LIPC: variants seen among roughly 807,000 people sequenced by gnomAD.
LIPC encodes lipase C, hepatic type, also known as hepatic triacylglycerol lipase.
In LIPC, 44 loss-of-function variants were observed where a neutral mutation model predicts 50.7. The observed-to-expected ratio is 0.87, with a 90% CI of 0.68 to 1.11. LIPC has a LOEUF of 1.11. Ranked by LOEUF, LIPC falls within the 50% of genes most tolerant of loss-of-function variation. The pLI, the probability that LIPC is intolerant of heterozygous loss-of-function variation, is 0.00. For synonymous variants in LIPC, 271 were observed against 256.4 expected, an observed-to-expected ratio of 1.06 and a Z score of -0.54; for missense variants, 697 against 648.2, an observed-to-expected ratio of 1.08 and a Z score of -0.82.
intron 1 of LIPC, among the ~76,000 whole-genome samples, chr15:58,450,881 G>A (rs1042991841): frequency 6.6e-5 from 10 of 152,214 alleles, no homozygotes; most frequent in African/African-American, 2.4e-4. Context: ...GGCAATAAAG[G>A]GGTACAGTCT....
intron 1 of LIPC, among the ~76,000 whole-genome samples, chr15:58,524,393 A>G (rs1162717302): frequency 6.6e-6 from 1 of 152,250 alleles, no homozygotes; most frequent in Non-Finnish European, 1.5e-5. Flanking sequence ...CAATCCTGCA[A>G]TGAATGACCT....
intron 1 of LIPC, among the ~76,000 whole-genome samples, chr15:58,450,518 T>G (rs2140670532): frequency 6.6e-6 from 1 of 152,316 alleles, no homozygotes; most frequent in Non-Finnish European, 1.5e-5. Flanking sequence ...AAGGAGAATT[T>G]TATTAAGTTT....
chr15:58,541,829 G>A lies in LIPC; in HGVS notation c.318G>A (p.Ala106=), dbSNP rs1391327121. ...ACTGGATCTGGCAGATGGTGGCCGC[G>A]CTGAAGTCTCAGCCGGCCCAGCCAG... is the stretch of plus-strand genomic sequence containing the variant. ...LENWIWQMVA[A]LKSQPAQPVN... is the part of the protein sequence containing the mutation. The change falls in exon 3 of 9, where the codon GCG becomes GCA. Residue 106 remains alanine (A), a synonymous_variant. Transcript: ENST00000299022. The A allele has an allele frequency of 1.5e-5, 24 of 1,613,210 alleles. No homozygotes were observed. The highest frequency in any genetic ancestry group is 1.7e-4 in the Middle Eastern group (1 of 6,048).
At chr15:58,487,113 CA>C (rs1891403994) in intron 1 of LIPC, among the ~76,000 whole-genome samples, 1 of 152,170 alleles carries the variant, frequency 6.6e-6, no homozygotes, top group Admixed American at 6.5e-5. Context: ...ATCTGGTAAT[CA>C]ACTGGGAAAA....
intron 1 of LIPC, among the ~76,000 whole-genome samples, chr15:58,465,774 C>T (rs540286810): frequency 2.6e-5 from 4 of 152,240 alleles, no homozygotes; most frequent in South Asian, 2.1e-4. Context: ...CAGTCATCAC[C>T]GGTCCCACAC....
At chr15:58,481,087 A>C (rs1379495638) in intron 1 of LIPC, among the ~76,000 whole-genome samples, 9 of 152,144 alleles carry the variant, frequency 5.9e-5, no homozygotes, top group Admixed American at 5.2e-4. Flanking sequence ...TACAAGCCCT[A>C]CAGCCCTCCA....
intron 1 of LIPC, among the ~76,000 whole-genome samples, chr15:58,444,073 C>T (rs942366026): frequency 2.6e-5 from 4 of 152,158 alleles, no homozygotes; most frequent in South Asian, 2.1e-4. Context: ...ACAGGGGCTA[C>T]GATGGCTCAG....
At chr15:58,453,625 G>A (rs2140682059) in intron 1 of LIPC, among the ~76,000 whole-genome samples, 1 of 152,234 alleles carries the variant, frequency 6.6e-6, no homozygotes, top group Admixed American at 6.5e-5. Flanking sequence ...CCGTACATTG[G>A]CGCGGTGGCT....
intron 6 of LIPC, among the ~76,000 whole-genome samples, chr15:58,558,393 A>C (rs978973276): frequency 2.6e-5 from 4 of 152,106 alleles, no homozygotes; most frequent in Non-Finnish European, 4.4e-5. Flanking sequence ...CTTCTCACCC[A>C]CAGCCTCTTT....
At chr15:58,566,631 AGGT>A (rs1163190986) in intron 8 of LIPC, among the ~76,000 whole-genome samples, 1 of 152,152 alleles carries the variant, frequency 6.6e-6, no homozygotes, top group Non-Finnish European at 1.5e-5. Context: ...ATTCAGTGGA[AGGT>A]GGTTTTCTTC....
chr15:58,568,751 T>A lies in LIPC; in HGVS notation c.1424T>A (p.Leu475Gln). Residue 475 changes from leucine (L) to glutamine (Q), a missense_variant, in exon 9 of 9, where the codon CTA (leucine) becomes CAA (glutamine). By Grantham distance (113) the Leu-to-Gln change is moderately radical. Transcript: ENST00000299022. ...TGTTCAGAAAACACAGATGACCTAC[T>A]ACTTCGCCCAACCCAGGAAAAAATC... The part of the protein sequence containing the change: ...TFCSENTDDL[L>Q]LRPTQEKIFV... 1.2e-6 allele frequency: 2 copies of A among 1,611,240 alleles called. No homozygotes were observed. Among genetic ancestry groups the A allele is most frequent in the Non-Finnish European group, 1.7e-6 (2 of 1,177,738 alleles).
intron 1 of LIPC, among the ~76,000 whole-genome samples, chr15:58,478,183 AC>A (rs1481154592): frequency 3.9e-5 from 6 of 152,176 alleles, no homozygotes; most frequent in African/African-American, 1.4e-4. Flanking sequence ...ATAGTAGCTC[AC>A]ATTTCTTGAG....
chr15:58,529,019 C>T (rs1892871293), intron 1 of LIPC, among the ~76,000 whole-genome samples: 7 of 152,130 alleles, frequency 4.6e-5, no homozygotes, highest in South Asian at 2.1e-4. Context: ...ACTGTGATGT[C>T]GAAGGTCCTC....
At chr15:58,483,120 G>T (rs1201112416) in intron 1 of LIPC, among the ~76,000 whole-genome samples, 1 of 152,100 alleles carries the variant, frequency 6.6e-6, no homozygotes, top group Non-Finnish European at 1.5e-5. Flanking sequence ...ATTCTTCAAG[G>T]TAACAAATTT....
intron 1 of LIPC, among the ~76,000 whole-genome samples, chr15:58,434,397 G>C (rs1047481387): frequency 1.8e-4 from 27 of 152,178 alleles, no homozygotes; most frequent in Non-Finnish European, 2.9e-4. Flanking sequence ...GCATGTGCCA[G>C]GCACTCCACG....
At chr15:58,435,608 T>C (rs1185183020) in intron 1 of LIPC, 1 of 152,224 alleles carries the variant, frequency 6.6e-6, no homozygotes, top group Non-Finnish European at 1.5e-5. Context: ...CCTGTCATTA[T>C]CACAATTATA....
At chr15:58,552,706 T>C (rs895513108) in intron 6 of LIPC, among the ~76,000 whole-genome samples, 2 of 152,224 alleles carry the variant, frequency 1.3e-5, no homozygotes, top group Non-Finnish European at 2.9e-5. Flanking sequence ...TTCTCTCAGC[T>C]ACTTCTTTGG....
intron 1 of LIPC, 145 bp downstream of exon 1, chr15:58,432,265 C>G (rs538126164): frequency 2.9e-6 from 2 of 700,866 alleles, no homozygotes; most frequent in East Asian, 5.2e-5. Context: ...CTCACAGGTT[C>G]ACAGGGACAC....
chr15:58,446,419 A>G (rs532554640), intron 1 of LIPC, among the ~76,000 whole-genome samples: 1 of 152,310 alleles, frequency 6.6e-6, no homozygotes, highest in Admixed American at 6.5e-5. Flanking sequence ...ATAATTTTAT[A>G]CTATCCAATA....
Sources: allele counts gnomAD v4.1 joint callset (sites outside exome capture counted in the v4.1 genomes callset), GRCh38; gene constraint gnomAD v4.1.1; transcripts MANE v1.5; gene names NCBI Gene and HGNC (gene_info 2026-07-23, HGNC 2026-07-21).